PLXDC2: variants seen among roughly 807,000 people sequenced by gnomAD.
PLXDC2 encodes plexin domain containing 2.
PLXDC2 carries 40 observed loss-of-function variants against 68.9 expected under a neutral mutation model. The observed-to-expected ratio is 0.58, with a 90% CI of 0.45 to 0.76. The LOEUF (loss-of-function observed/expected upper bound fraction) is 0.76. Ranked by LOEUF, PLXDC2 falls within the 30% of genes least tolerant of loss-of-function variation. The probability of loss-of-function intolerance (pLI) is 0.00; values close to 1 mark genes in which losing one functional copy is unlikely to be tolerated. For synonymous variants in PLXDC2, 243 were observed against 234.2 expected, an observed-to-expected ratio of 1.04 and a Z score of -0.34; for missense variants, 644 against 661.9, an observed-to-expected ratio of 0.97 and a Z score of 0.30.
intron 10 of PLXDC2, among the ~76,000 whole-genome samples, chr10:20,212,006 T>C (rs1835076217): frequency 6.6e-6 from 1 of 152,014 alleles, no homozygotes; most frequent in Non-Finnish European, 1.5e-5. Context: ...TCTCATTTCA[T>C]TGTCATATTC....
At chr10:19,985,283 C>T (rs72789659) in intron 1 of PLXDC2, among the ~76,000 whole-genome samples, 8,017 of 152,270 alleles carry the variant, frequency 0.053, 273 homozygotes, top group Middle Eastern at 0.092. Flanking sequence ...TTAAAATTAA[C>T]TGCTGTCCTT....
chr10:20,254,202 G>A (rs1254231407), intron 13 of PLXDC2, among the ~76,000 whole-genome samples: 1 of 152,204 alleles, frequency 6.6e-6, no homozygotes, highest in East Asian at 1.9e-4. Context: ...AACCTGTGGA[G>A]AATATGATTA....
At chr10:20,210,307 C>G (rs563029178) in intron 9 of PLXDC2, among the ~76,000 whole-genome samples, 1 of 152,106 alleles carries the variant, frequency 6.6e-6, no homozygotes. Context: ...TTAATGTGAT[C>G]TTTTCCTCTC....
intron 1 of PLXDC2, among the ~76,000 whole-genome samples, chr10:19,913,157 C>G (rs911941921): frequency 6.6e-6 from 1 of 152,132 alleles, no homozygotes; most frequent in East Asian, 1.9e-4. Context: ...GCCCAAATCT[C>G]AAGTCGATTT....
intron 2 of PLXDC2, among the ~76,000 whole-genome samples, chr10:20,013,059 T>C (rs1029023891): frequency 2.6e-5 from 4 of 152,248 alleles, no homozygotes; most frequent in Admixed American, 6.5e-5. Flanking sequence ...TCTAACTCTT[T>C]TGTAAACTTT....
At chr10:20,056,018 G>T (rs1009798386) in intron 3 of PLXDC2, among the ~76,000 whole-genome samples, 2 of 152,014 alleles carry the variant, frequency 1.3e-5, no homozygotes, top group African/African-American at 4.8e-5. Flanking sequence ...ATAGGATTTG[G>T]CATCATCGGA....
intron 1 of PLXDC2, among the ~76,000 whole-genome samples, chr10:19,992,497 G>A (rs1304016925): frequency 2.0e-5 from 3 of 152,144 alleles, no homozygotes; most frequent in Admixed American, 6.5e-5. Context: ...TGAAAATTCA[G>A]TGGATGCTCT....
intron 2 of PLXDC2, among the ~76,000 whole-genome samples, chr10:20,023,167 A>G (rs1281323544): frequency 6.7e-6 from 1 of 150,138 alleles, no homozygotes; most frequent in Non-Finnish European, 1.5e-5. Context: ...ATTATCTACA[A>G]TCCGTATTGT....
intron 13 of PLXDC2, among the ~76,000 whole-genome samples, chr10:20,270,806 G>A: frequency 6.6e-6 from 1 of 152,054 alleles, no homozygotes; most frequent in Non-Finnish European, 1.5e-5. Context: ...ACAGGTGTGA[G>A]CCATCGTGCC....
chr10:20,191,690 A>G (rs949372901), intron 9 of PLXDC2, among the ~76,000 whole-genome samples: 1 of 151,866 alleles, frequency 6.6e-6, no homozygotes, highest in East Asian at 1.9e-4. Context: ...TAGCATTAGG[A>G]GATACACCTA....
At chr10:19,937,596 T>C (rs12772323) in intron 1 of PLXDC2, among the ~76,000 whole-genome samples, 29,544 of 135,132 alleles carry the variant, frequency 0.22, 3,941 homozygotes, top group Middle Eastern at 0.35. Context: ...GCAACTTCTA[T>C]GAGGACAGAG....
At chr10:20,162,042 A>AGAG (rs1834299966) in intron 6 of PLXDC2, among the ~76,000 whole-genome samples, 3 of 72,422 alleles carry the variant, frequency 4.1e-5, no homozygotes, top group African/African-American at 1.7e-4. Flanking sequence ...GAAAGAAAGA[A>AGAG]AGAGAGAGAG....
chr10:20,013,292 A>G (rs539498557), intron 2 of PLXDC2, among the ~76,000 whole-genome samples: 1 of 152,332 alleles, frequency 6.6e-6, no homozygotes, highest in Admixed American at 6.5e-5. Flanking sequence ...AAACTTACAA[A>G]GAAAACTTTA....
chr10:20,107,829 G>A (rs950816212), intron 4 of PLXDC2, among the ~76,000 whole-genome samples: 3 of 152,150 alleles, frequency 2.0e-5, no homozygotes, highest in South Asian at 2.1e-4. Flanking sequence ...GCATAAGGGT[G>A]TATATATTTA....
intron 1 of PLXDC2, among the ~76,000 whole-genome samples, chr10:19,902,305 A>G (rs1838173830): frequency 6.6e-6 from 1 of 152,158 alleles, no homozygotes; most frequent in Non-Finnish European, 1.5e-5. Context: ...ATCCATGAGC[A>G]TGGGATGTGT....
At chr10:20,147,957 T>TA in intron 6 of PLXDC2, 55 bp downstream of exon 6, 1 of 1,218,254 alleles carries the variant, frequency 8.2e-7, no homozygotes, top group East Asian at 2.4e-5. Flanking sequence ...ACTGCTGCCT[T>TA]TCCTCCAAAT....
Position 20,022,626 on chromosome 10 carries a change from C to G in PLXDC2, c.324+20640C>G, listed in dbSNP as rs188120682. ...AAGATTAGAAATATGTGAACAAACTCCCTCCTCTACACGCTTTGACACATT... is the reference window on the plus strand; with the variant it reads ...AAGATTAGAAATATGTGAACAAACTGCCTCCTCTACACGCTTTGACACATT... On this transcript the variant is annotated intron_variant, in intron 2 of 13. Transcript: ENST00000377252. Among the ~76,000 whole-genome samples the G allele has an allele frequency of 4.2e-3, 634 of 152,146 alleles. 3 individuals carry two copies. Among genetic ancestry groups the G allele is most frequent in the African/African-American group, 0.014 (586 of 41,482 alleles).
intron 2 of PLXDC2, among the ~76,000 whole-genome samples, chr10:20,003,957 G>A (rs919960473): frequency 1.3e-5 from 2 of 152,064 alleles, no homozygotes; most frequent in African/African-American, 4.8e-5. Context: ...ATTGCGTGCT[G>A]GTACATTCTT....
At chr10:19,968,301 G>T (rs968631104) in intron 1 of PLXDC2, among the ~76,000 whole-genome samples, 7 of 152,190 alleles carry the variant, frequency 4.6e-5, no homozygotes, top group Non-Finnish European at 7.4e-5. Flanking sequence ...TGACCTCACT[G>T]ATCTCCTTCA....
Sources: allele counts gnomAD v4.1 joint callset (sites outside exome capture counted in the v4.1 genomes callset), GRCh38; gene constraint gnomAD v4.1.1; transcripts MANE v1.5; gene names NCBI Gene and HGNC (gene_info 2026-07-23, HGNC 2026-07-21).